The following MAIP1 variants were observed in gnomAD, a reference collection of about 807,000 sequenced individuals.
MAIP1 encodes the protein m-AAA protease-interacting protein 1, mitochondrial.
MAIP1 carries 28 observed loss-of-function variants against 31.2 expected under a neutral mutation model. The ratio of observed to expected loss-of-function variants is 0.90; its 90% CI spans 0.67 to 1.23. The LOEUF (loss-of-function observed/expected upper bound fraction) is 1.23, where lower values mean the gene tolerates loss of function less well. Ranked by LOEUF, MAIP1 falls within the 50% of genes most tolerant of loss-of-function variation. The pLI, the probability that MAIP1 is intolerant of heterozygous loss-of-function variation, is 0.00. For synonymous variants in MAIP1, 142 were observed against 142.3 expected (o/e 1.00, Z 0.02); for missense variants, 339 against 356.0 (o/e 0.95, Z 0.38).
In MAIP1 at chr2:199,955,590, G is replaced by C. The variant is rs539160051; in HGVS notation, c.-209G>C. The C allele has an allele frequency of 7.4e-7, 1 of 1,358,516 alleles. No individual in the cohort carries two copies. The highest frequency in any genetic ancestry group is 1.4e-5 in the African/African-American group (1 of 69,524). 84.2% of individuals were successfully genotyped at this position (1,358,516 alleles called of 1,614,324 possible). ...AGGTCCGCGAGGCCGGCAGACTCCA[G>C]AGTGGCTGGGTCCGAGCGCGGGGCG... On this transcript the variant is annotated 5_prime_UTR_variant, in exon 1 of 5. Coordinates refer to ENST00000392290, the MANE Select transcript of MAIP1 (RefSeq NM_001394955.1).
chr2:199,956,325 T>G, intron 1 of MAIP1, 77 bp downstream of exon 1: 1 of 1,137,414 alleles, frequency 8.8e-7, no homozygotes. Flanking sequence ...TAGCAGTGAG[T>G]TTTCTTCACT....
At chr2:199,958,454 C>G (rs906676941) in intron 1 of MAIP1, among the ~76,000 whole-genome samples, 1 of 152,126 alleles carries the variant, frequency 6.6e-6, no homozygotes, top group African/African-American at 2.4e-5. Flanking sequence ...TCTGACATGC[C>G]ATATCTGACA....
At position 199,963,871 on chromosome 2, in the gene MAIP1, A is replaced by G. The variant is rs2077649189; in HGVS notation, c.*60A>G. On this transcript the variant is annotated 3_prime_UTR_variant, in exon 5 of 5. Coordinates refer to ENST00000392290, the MANE Select transcript of MAIP1 (RefSeq NM_001394955.1). ...GTTGCTGTGAAAAACTAAGGAAGAA[A>G]AATTTTGGGGTCATTTGATCTTCAC... 6.9e-6 allele frequency: 7 copies of G among 1,008,554 alleles called. No homozygotes were observed. Among genetic ancestry groups the G allele is most frequent in the Non-Finnish European group, 1.1e-5 (7 of 654,634 alleles). 62.5% of individuals were successfully genotyped at this position (1,008,554 alleles called of 1,614,324 possible).
intron 1 of MAIP1, among the ~76,000 whole-genome samples, chr2:199,958,032 C>T (rs964867904): frequency 6.6e-6 from 1 of 152,204 alleles, no homozygotes; most frequent in Non-Finnish European, 1.5e-5. Context: ...TAGCTATTTT[C>T]ACCTCCTTCC....
chr2:199,961,730 A>G, intron 3 of MAIP1, 51 bp from the exon 4 acceptor site: 1 of 1,512,728 alleles, frequency 6.6e-7, no homozygotes, highest in South Asian at 1.2e-5. Flanking sequence ...TATATGGATG[A>G]TAGATTATTT....
In MAIP1 at chr2:199,955,635, C is replaced by T; in HGVS notation, c.-164C>T. The T allele has an allele frequency of 2.6e-6, 3 of 1,152,338 alleles. No homozygotes were observed. Among genetic ancestry groups the T allele is most frequent in the Non-Finnish European group, 3.6e-6 (3 of 831,932 alleles). The allele number at this position is 1,152,338 out of a possible 1,614,324, so 71.4% of individuals were successfully genotyped here. On this transcript the variant is annotated 5_prime_UTR_variant, in exon 1 of 5. Transcript: ENST00000392290. ...GGGGCGGGTTGCCGAAGGGCCTCGG[C>T]CTGGGCTGCGTGCTGGAGAGCGGGG...
Position 199,957,435 on chromosome 2 carries a change from G to A in MAIP1, c.450+1187G>A, listed in dbSNP as rs1318061513. Among the ~76,000 whole-genome samples the A allele has an allele frequency of 3.3e-4, 50 of 152,056 alleles. 1 individual carries two copies. On this transcript the variant is annotated intron_variant, in intron 1 of 4. Transcript: ENST00000392290. ...AAAAAACCACAATAGAAGTCAGAAA[G>A]TTTATTTCCCGCTTCATACCTCCAT...
chr2:199,957,128 T>A (rs1215057555), intron 1 of MAIP1, among the ~76,000 whole-genome samples: 2 of 150,266 alleles, frequency 1.3e-5, no homozygotes, highest in Non-Finnish European at 2.9e-5. Context: ...CGGCCAGGCA[T>A]GGCGGCTCAC....
At position 199,955,934 on chromosome 2, in the gene MAIP1, C is replaced by T. The variant is rs753507356; in HGVS notation, c.136C>T (p.Arg46Cys). Reference protein sequence around the residue: ...SATLCYFCRCRLGLGAALFPR... With the variant: ...SATLCYFCRCCLGLGAALFPR... ...CACACTTTGCTACTTCTGCCGCTGT[C>T]GCCTCGGCTTGGGAGCGGCGTTATT... The change falls in exon 1 of 5, where the codon CGC (arginine) becomes TGC (cysteine). Residue 46 changes from arginine (R) to cysteine (C), a missense_variant. Coordinates refer to ENST00000392290, the MANE Select transcript of MAIP1 (RefSeq NM_001394955.1). The T allele has an allele frequency of 4.4e-6, 7 of 1,601,844 alleles. No homozygotes were observed. In the African/African-American group the frequency reaches 8.0e-5, roughly 18 times the overall value.
At chr2:199,956,750 C>T (rs2077607990) in intron 1 of MAIP1, among the ~76,000 whole-genome samples, 1 of 152,168 alleles carries the variant, frequency 6.6e-6, no homozygotes. Flanking sequence ...GGTAGAAGAG[C>T]AGAACTTCCT....
intron 1 of MAIP1, 116 bp from the exon 2 acceptor site, chr2:199,959,152 G>GT: frequency 1.6e-6 from 1 of 616,026 alleles, no homozygotes; most frequent in Non-Finnish European, 3.0e-6. Context: ...AATATTTGAT[G>GT]TTGTTTATCA....
intron 2 of MAIP1, 128 bp from the exon 3 acceptor site, chr2:199,959,626 A>C: frequency 1.3e-6 from 1 of 747,636 alleles, no homozygotes; most frequent in South Asian, 1.9e-5. Flanking sequence ...CTTGCTTTTG[A>C]GGATGAGTAA....
At chr2:199,959,390 A>G in intron 2 of MAIP1, 51 bp downstream of exon 2, 1 of 981,502 alleles carries the variant, frequency 1.0e-6, no homozygotes, top group Non-Finnish European at 1.6e-6. Flanking sequence ...TTCTCTTGCA[A>G]TAGAATGATG....
chr2:199,957,039 C>CT (rs71403495), intron 1 of MAIP1, among the ~76,000 whole-genome samples: 40,811 of 129,654 alleles, frequency 0.31, 7,417 homozygotes, highest in Admixed American at 0.46. Flanking sequence ...TGGGTACATG[C>CT]TTTTTTTTTT....
intron 3 of MAIP1, 50 bp downstream of exon 3, chr2:199,959,930 A>G (rs1388582167): frequency 1.1e-5 from 17 of 1,551,002 alleles, no homozygotes; most frequent in Non-Finnish European, 1.4e-5. Flanking sequence ...TGTCCAGATA[A>G]GCTAAACTAG....
rs1302471441 is a variant in MAIP1, at chr2:199,959,772, G to A, written c.541G>A (p.Glu181Lys). The change falls in exon 3 of 5, where the codon GAA becomes AAA. Residue 181 changes from glutamate (E) to lysine (K), a missense_variant. By Grantham distance (56) the Glu-to-Lys change is moderately conservative. Transcript: ENST00000392290. ...VAKEVLHALK[E>K]KVTSLPDNHK... is the part of the protein sequence containing the mutation. The stretch of plus-strand genomic sequence containing the variant: ...AACTTAGGTGCTACATGCATTGAAA[G>A]AAAAGGTTACTTCACTACCTGACAA... 1.9e-6 allele frequency: 3 copies of A among 1,612,060 alleles called. No homozygotes were observed. In the African/African-American group the frequency reaches 4.0e-5, roughly 22 times the overall value.
rs779052354 is a variant in MAIP1, at chr2:199,955,849, G to A, written c.51G>A (p.Leu17=). The change falls in exon 1 of 5, where the codon CTG becomes CTA. Residue 17 remains leucine (L), a synonymous_variant. Coordinates refer to ENST00000392290, the MANE Select transcript of MAIP1 (RefSeq NM_001394955.1). ...LLPQFLHSRS[L]PCGAVRLRTP... is the part of the protein sequence containing the mutation. ...CCCAGTTCCTGCACTCTCGGTCGCT[G>A]CCCTGCGGGGCCGTCCGACTCCGGA... 2.0e-6 allele frequency: 3 copies of A among 1,524,440 alleles called. No individual in the cohort carries two copies. The African/African-American group carries it at 4.2e-5, about 21-fold the overall frequency. 94.4% of individuals were successfully genotyped at this position (1,524,440 alleles called of 1,614,324 possible).
chr2:199,961,109 T>A (rs1427547923), intron 3 of MAIP1, among the ~76,000 whole-genome samples: 1 of 152,024 alleles, frequency 6.6e-6, no homozygotes, highest in Non-Finnish European at 1.5e-5. Flanking sequence ...GCAAAAAATA[T>A]TTTTTTTCTC....
upstream of MAIP1, chr2:199,955,491 T>C: frequency 6.2e-7 from 1 of 1,611,668 alleles, no homozygotes; most frequent in Middle Eastern, 1.7e-4. Context: ...GCCTGCCCTC[T>C]TCCAGGTCTT....
Sources: gnomAD v4.1 joint callset for allele counts (sites outside exome capture counted in the v4.1 genomes callset) on GRCh38, gnomAD v4.1.1 for gene constraint, MANE v1.5 for transcripts, NCBI Gene and HGNC (gene_info 2026-07-23, HGNC 2026-07-21) for gene names.